The following AGAP1 variants were observed in gnomAD, a reference collection of about 807,000 sequenced individuals.
AGAP1 encodes ArfGAP with GTPase domain, ankyrin repeat and PH domain 1.
In AGAP1, 29 loss-of-function variants were observed where a neutral mutation model predicts 105.3. The ratio of observed to expected loss-of-function variants is 0.28; its 90% CI spans 0.21 to 0.38. The LOEUF (loss-of-function observed/expected upper bound fraction) is 0.38, where lower values mean the gene tolerates loss of function less well. Among genes scored for constraint, AGAP1 ranks in the 10% least tolerant of loss-of-function variants. The probability of loss-of-function intolerance (pLI) is 1.00; values close to 1 mark genes in which losing one functional copy is unlikely to be tolerated. For synonymous variants in AGAP1, 509 were observed against 485.9 expected, an observed-to-expected ratio of 1.05 and a Z score of -0.63; for missense variants, 998 against 1,165.1, an observed-to-expected ratio of 0.86 and a Z score of 2.09.
chr2:235,914,212 A>G (rs1376778533), intron 11 of AGAP1, among the ~76,000 whole-genome samples: 1 of 152,220 alleles, frequency 6.6e-6, no homozygotes, highest in Non-Finnish European at 1.5e-5. Flanking sequence ...AATGCATTCC[A>G]TATTTCAAAT....
At chr2:235,607,128 G>A (rs1263501647) in intron 1 of AGAP1, among the ~76,000 whole-genome samples, 2 of 152,166 alleles carry the variant, frequency 1.3e-5, no homozygotes, top group Admixed American at 6.5e-5. Flanking sequence ...GACGTTTCCC[G>A]GATTCGTTAA....
At position 235,882,764 on chromosome 2, in the gene AGAP1, C is replaced by T. The variant is rs1327426684; in HGVS notation, c.1051-581C>T. Reference sequence around the variant, plus strand: ...TTCTGGGATTACAGGCGTGAGCCACCGTGCCCGGCCTGGTTAATGCAGTTT... The same window carrying T: ...TTCTGGGATTACAGGCGTGAGCCACTGTGCCCGGCCTGGTTAATGCAGTTT... On this transcript the variant is annotated intron_variant, in intron 9 of 17. Coordinates refer to ENST00000304032, the MANE Select transcript of AGAP1 (RefSeq NM_001037131.3). This position sits in a 1 kb window ranked among gnomAD's most constrained non-coding sequence, Gnocchi z 4.6. 9.2e-5 allele frequency among the ~76,000 whole-genome samples: 14 copies of T among 152,148 alleles called. No individual in the cohort carries two copies. Among genetic ancestry groups the T allele is most frequent in the East Asian group, 5.8e-4 (3 of 5,194 alleles).
intron 6 of AGAP1, among the ~76,000 whole-genome samples, chr2:235,772,107 G>T (rs1955508624): frequency 6.7e-6 from 1 of 149,442 alleles, no homozygotes; most frequent in Non-Finnish European, 1.5e-5. Context: ...TGATTCTCTT[G>T]CCTCAGCCTC....
chr2:235,668,876 G>C (rs1948220273), intron 1 of AGAP1, among the ~76,000 whole-genome samples: 1 of 152,178 alleles, frequency 6.6e-6, no homozygotes, highest in Non-Finnish European at 1.5e-5. Flanking sequence ...AGGTGGAAAA[G>C]CAAGTGGTTT....
chr2:235,498,149 C>T (rs1291956020), intron 1 of AGAP1, among the ~76,000 whole-genome samples: 1 of 152,116 alleles, frequency 6.6e-6, no homozygotes, highest in South Asian at 2.1e-4. Context: ...AGTTGAAAGG[C>T]CCACCAAGGC....
At chr2:235,522,542 G>A (rs527599993) in intron 1 of AGAP1, among the ~76,000 whole-genome samples, 1 of 152,282 alleles carries the variant, frequency 6.6e-6, no homozygotes, top group African/African-American at 2.4e-5. Context: ...AAGGAAGACG[G>A]CTCATGAGGA....
intron 10 of AGAP1, among the ~76,000 whole-genome samples, chr2:235,894,341 C>T (rs183114785): frequency 9.9e-5 from 15 of 152,258 alleles, no homozygotes; most frequent in Non-Finnish European, 1.5e-4. Context: ...TCCTTGAGTC[C>T]GTGATGTTCT....
chr2:235,636,064 G>A (rs958276845), intron 1 of AGAP1, among the ~76,000 whole-genome samples: 1 of 152,050 alleles, frequency 6.6e-6, no homozygotes, highest in Non-Finnish European at 1.5e-5. Context: ...AGTGAGCCGA[G>A]ATCGTGCCAG....
intron 1 of AGAP1, among the ~76,000 whole-genome samples, chr2:235,495,248 GT>G (rs1422061179): frequency 6.6e-6 from 1 of 151,934 alleles, no homozygotes; most frequent in Non-Finnish European, 1.5e-5. Context: ...CGTTGAAGAC[GT>G]GTTCTGAGAA....
rs550369713 is a variant in AGAP1 at position 235,961,680 on chromosome 2, C to T, written c.1484-6782C>T. On this transcript the variant is annotated intron_variant, in intron 12 of 17. Transcript: ENST00000304032. The surrounding 1 kb of genome is among the most constrained non-coding windows in gnomAD (Gnocchi z 5.9). ...ATCCCAGCACTTTGGGAGGCCAAGG[C>T]GGATGGATCATGAGGTCAAGAGATC... 3.9e-5 allele frequency among the ~76,000 whole-genome samples: 6 copies of T among 152,214 alleles called. No homozygotes were observed. Among genetic ancestry groups the T allele is most frequent in the African/African-American group, 1.2e-4 (5 of 41,522 alleles).
rs71039711 is a variant in AGAP1, at chr2:236,105,550, CTTTTT to C, written c.2115-14623_2115-14619del. ...GAGAGGAGAGGGGCATCTCTCGTGT[CTTTTT>C]TTTTTTTTTTTTTTTTTTGAGACAC... On this transcript the variant is annotated intron_variant, in intron 16 of 17. Transcript: ENST00000304032. The surrounding 1 kb of genome is among the most constrained non-coding windows in gnomAD (Gnocchi z 4.2). Among the ~76,000 whole-genome samples the C allele has an allele frequency of 9.8e-5, 8 of 81,312 alleles. No homozygotes were observed. Among genetic ancestry groups the C allele is most frequent in the African/African-American group, 4.0e-4 (7 of 17,482 alleles). 53.3% of individuals were successfully genotyped at this position (81,312 alleles called of 152,430 possible).
intron 6 of AGAP1, among the ~76,000 whole-genome samples, chr2:235,768,669 G>A (rs564202180): frequency 4.6e-5 from 7 of 152,186 alleles, no homozygotes; most frequent in African/African-American, 9.6e-5. Flanking sequence ...AAACTCCGGC[G>A]GCATCCAGGG....
rs1220903585 is a variant in AGAP1, at chr2:235,553,815, G to A, written c.163+58966G>A. Among the ~76,000 whole-genome samples, 3 of 152,172 alleles carry A rather than the reference G, an allele frequency of 2.0e-5. No homozygotes were observed. Among genetic ancestry groups the A allele is most frequent in the Admixed American group, 2.0e-4 (3 of 15,282 alleles). On this transcript the variant is annotated intron_variant, in intron 1 of 17. Transcript: ENST00000304032. The surrounding 1 kb of genome is among the most constrained non-coding windows in gnomAD (Gnocchi z 4.5). ...GCACTCCTCATGCTGAGCAACTGAC[G>A]TCGTATTTCCACCCGACAATGGCTT...
At chr2:235,859,393 T>TCCCCCCCCCCCCCC (rs59735813) in intron 9 of AGAP1, among the ~76,000 whole-genome samples, 1 of 24,184 alleles carries the variant, frequency 4.1e-5, no homozygotes, top group Non-Finnish European at 1.3e-4. Context: ...CCCCACAACC[T>TCCCCCCCCCCCCCC]CCCCCCCCCC....
chr2:235,572,339 A>G (rs1944555729), intron 1 of AGAP1, among the ~76,000 whole-genome samples: 1 of 152,002 alleles, frequency 6.6e-6, no homozygotes, highest in African/African-American at 2.4e-5. Context: ...ATTTGGCACC[A>G]GGCATGGGGT....
rs888036117 is a variant in AGAP1, at chr2:235,635,168, G to A, written c.164-74011G>A. Among the ~76,000 whole-genome samples the A allele has an allele frequency of 2.6e-5, 4 of 152,160 alleles. No individual in the cohort carries two copies. Among genetic ancestry groups the A allele is most frequent in the Admixed American group, 6.5e-5 (1 of 15,268 alleles). Reference sequence around the variant, plus strand: ...AGAGCAGCTGGACTTAGAGACAGGCGTCCTGAGTGTTGATGCCAGCCTTAC... The same window carrying A: ...AGAGCAGCTGGACTTAGAGACAGGCATCCTGAGTGTTGATGCCAGCCTTAC... On this transcript the variant is annotated intron_variant, in intron 1 of 17. Coordinates refer to ENST00000304032, the MANE Select transcript of AGAP1 (RefSeq NM_001037131.3). This position sits in a 1 kb window ranked among gnomAD's most constrained non-coding sequence, Gnocchi z 5.3.
chr2:236,115,581 T>C (rs994595887), intron 16 of AGAP1, among the ~76,000 whole-genome samples: 1 of 152,120 alleles, frequency 6.6e-6, no homozygotes, highest in Non-Finnish European at 1.5e-5. Flanking sequence ...TCACAGCAGG[T>C]GGCTGACATG....
chr2:235,527,173 T>A (rs1241337685), intron 1 of AGAP1, among the ~76,000 whole-genome samples: 1 of 152,126 alleles, frequency 6.6e-6, no homozygotes, highest in East Asian at 1.9e-4. Flanking sequence ...GTGGGTGACA[T>A]CTGATGAGAG....
In AGAP1 at chr2:235,998,276, A is replaced by G. The variant is rs551075082; in HGVS notation, c.1645+29653A>G. ...TGCAGATGGGAGAAAAACATTTTGT[A>G]TTAGTGTTTAGGAAGCTCTGCTCAG... On this transcript the variant is annotated intron_variant, in intron 13 of 17. Coordinates refer to ENST00000304032, the MANE Select transcript of AGAP1 (RefSeq NM_001037131.3). Among the ~76,000 whole-genome samples, 21 of 152,234 alleles carry G rather than the reference A, an allele frequency of 1.4e-4. No homozygotes were observed. The South Asian group carries it at 3.9e-3, about 29-fold the overall frequency.
Sources: allele counts gnomAD v4.1 joint callset (sites outside exome capture counted in the v4.1 genomes callset), GRCh38; gene constraint gnomAD v4.1.1; non-coding constraint Gnocchi (gnomAD v3.1); transcripts MANE v1.5; gene names NCBI Gene and HGNC (gene_info 2026-07-23, HGNC 2026-07-21).